Variants in FAM193A observed in about 807,000 individuals in gnomAD.
FAM193A encodes protein FAM193A.
A neutral mutation model predicts 126.5 loss-of-function variants in FAM193A; 22 were observed. The observed-to-expected ratio is 0.17, with a 90% CI of 0.12 to 0.25. The LOEUF is 0.25. Among genes scored for constraint, FAM193A ranks in the 10% least tolerant of loss-of-function variants. The pLI is 1.00. For synonymous variants in FAM193A, 761 were observed against 646.8 expected, an observed-to-expected ratio of 1.18 and a Z score of -2.68; for missense variants, 1,675 against 1,672.8, an observed-to-expected ratio of 1.00 and a Z score of -0.02.
chr4:2,682,074 T>G (rs2109220342), intron 13 of FAM193A, among the ~76,000 whole-genome samples: 1 of 143,154 alleles, frequency 7.0e-6, no homozygotes, highest in African/African-American at 2.6e-5. Flanking sequence ...AAGCTCCACC[T>G]CCTGAGTTCA....
intron 1 of FAM193A, among the ~76,000 whole-genome samples, chr4:2,580,588 C>G (rs1739862618): frequency 6.6e-6 from 1 of 152,252 alleles, no homozygotes; most frequent in Admixed American, 6.5e-5. Flanking sequence ...TGAATGTCCT[C>G]CCCATGGTAA....
At chr4:2,584,674 C>T (rs1233060206) in intron 1 of FAM193A, among the ~76,000 whole-genome samples, 1 of 152,066 alleles carries the variant, frequency 6.6e-6, no homozygotes, top group Non-Finnish European at 1.5e-5. Context: ...AGCCTGTAAT[C>T]CCAGCACTTT....
chr4:2,672,305 T>C lies in FAM193A; in HGVS notation c.2264T>C (p.Val755Ala). The change falls in exon 13 of 21, where the codon GTT (valine) becomes GCT (alanine). Residue 755 changes from valine to alanine, a missense_variant. By Grantham distance (64) the Val-to-Ala change is moderately conservative. Around this residue, in one of 4 missense-constraint regions of FAM193A, gnomAD observed 1,186 missense variants for 1,109.2 expected, o/e 1.07. Coordinates refer to ENST00000637812, the MANE Select transcript of FAM193A (RefSeq NM_001366318.2). Reference protein sequence around the residue: ...HIHGHVPLHTVPHLPRPLIHP... With the variant: ...HIHGHVPLHTAPHLPRPLIHP... The stretch of plus-strand genomic sequence containing the variant: ...CATGGACATGTGCCTTTGCACACTG[T>C]TCCACACCTGCCACGCCCTCTCATC... 1 of 1,614,186 alleles carries C rather than the reference T, an allele frequency of 6.2e-7. No individual in the cohort carries two copies. The highest frequency in any genetic ancestry group is 8.5e-7 in the Non-Finnish European group (1 of 1,180,028).
chr4:2,623,890 CA>C (rs1742710315), intron 2 of FAM193A, among the ~76,000 whole-genome samples: 1 of 152,080 alleles, frequency 6.6e-6, no homozygotes, highest in African/African-American at 2.4e-5. Flanking sequence ...CTGTGGGGGT[CA>C]GGGGGATGCA....
chr4:2,707,710 C>CTT (rs1409431952), intron 19 of FAM193A, among the ~76,000 whole-genome samples: 1 of 139,298 alleles, frequency 7.2e-6, no homozygotes, highest in Non-Finnish European at 1.6e-5. Context: ...GATTATATTT[C>CTT]TTATTTTTTT....
At chr4:2,599,439 G>A (rs1266444754) in intron 2 of FAM193A, among the ~76,000 whole-genome samples, 2 of 152,148 alleles carry the variant, frequency 1.3e-5, no homozygotes, top group Non-Finnish European at 2.9e-5. Context: ...GGCTCAGAGT[G>A]CACGGCTCTC....
chr4:2,730,682 T>G (rs1721273710), intron 20 of FAM193A, among the ~76,000 whole-genome samples: 1 of 147,674 alleles, frequency 6.8e-6, no homozygotes, highest in Non-Finnish European at 1.5e-5. Flanking sequence ...AGAGCAAGAC[T>G]CCGTGTCAAG....
At chr4:2,542,032 TC>T (rs1737266215) in intron 1 of FAM193A, among the ~76,000 whole-genome samples, 1 of 151,366 alleles carries the variant, frequency 6.6e-6, no homozygotes, top group Non-Finnish European at 1.5e-5. Flanking sequence ...TTTTTTTTTT[TC>T]AAGACAGAGT....
chr4:2,708,964 G>C (rs1432105030), intron 19 of FAM193A, among the ~76,000 whole-genome samples: 1 of 151,760 alleles, frequency 6.6e-6, no homozygotes, highest in African/African-American at 2.4e-5. Flanking sequence ...AATGTCTCTG[G>C]TGTTTCCACA....
intron 5 of FAM193A, 84 bp from the exon 6 acceptor site, chr4:2,639,651 G>A: frequency 2.9e-6 from 3 of 1,048,236 alleles, no homozygotes; most frequent in East Asian, 3.0e-5. Context: ...GAAATGGGGA[G>A]GGGGGAGGGA....
intron 16 of FAM193A, 28 bp from the exon 17 acceptor site, chr4:2,694,918 G>C (rs755854193): frequency 2.4e-5 from 37 of 1,559,936 alleles, no homozygotes; most frequent in Non-Finnish European, 2.9e-5. Context: ...CCGGCCACTT[G>C]CTGATGAGCT....
At chr4:2,587,102 G>C (rs750132734) in intron 1 of FAM193A, among the ~76,000 whole-genome samples, 14 of 152,176 alleles carry the variant, frequency 9.2e-5, no homozygotes, top group Non-Finnish European at 1.9e-4. Flanking sequence ...AGGAATACCT[G>C]AGGCTGGATA....
At chr4:2,537,788 T>C (rs1030500860) in intron 1 of FAM193A, among the ~76,000 whole-genome samples, 1 of 152,200 alleles carries the variant, frequency 6.6e-6, no homozygotes, top group Non-Finnish European at 1.5e-5. Flanking sequence ...CTGGCAGCCC[T>C]GGCCCCTCCT....
intron 2 of FAM193A, among the ~76,000 whole-genome samples, chr4:2,620,663 A>G (rs1742483372): frequency 6.6e-6 from 1 of 151,864 alleles, no homozygotes; most frequent in Non-Finnish European, 1.5e-5. Flanking sequence ...AGCCTTGTCA[A>G]CGTGGTGTAA....
chr4:2,618,274 C>T (rs1289320243), intron 2 of FAM193A, among the ~76,000 whole-genome samples: 3 of 152,096 alleles, frequency 2.0e-5, no homozygotes, highest in African/African-American at 7.2e-5. Flanking sequence ...TGTGGGCTTA[C>T]ATAGTGTGAA....
Position 2,731,897 on chromosome 4 carries a change from A to C in FAM193A, c.*29A>C. On this transcript the variant is annotated 3_prime_UTR_variant, in exon 21 of 21. Coordinates refer to ENST00000637812, the MANE Select transcript of FAM193A (RefSeq NM_001366318.2). Reference sequence around the variant, plus strand: ...AGGACTCCCTGGAGAGGGACACGCGAGAGGCAGGCCAGGCTGCACCACCCC... The same window carrying C: ...AGGACTCCCTGGAGAGGGACACGCGCGAGGCAGGCCAGGCTGCACCACCCC... The C allele has an allele frequency of 6.5e-7, 1 of 1,547,286 alleles. No individual in the cohort carries two copies. Among genetic ancestry groups the C allele is most frequent in the South Asian group, 1.1e-5 (1 of 89,684 alleles).
At chr4:2,730,346 T>C (rs73189417) in intron 20 of FAM193A, among the ~76,000 whole-genome samples, 8,750 of 152,278 alleles carry the variant, frequency 0.057, 340 homozygotes, top group Non-Finnish European at 0.089. Context: ...TAGAAGCTGA[T>C]ATTTAGGATA....
At chr4:2,619,507 T>A (rs28882834) in intron 2 of FAM193A, among the ~76,000 whole-genome samples, 17,690 of 151,824 alleles carry the variant, frequency 0.12, 2,251 homozygotes, top group African/African-American at 0.32. Flanking sequence ...AAATACTAAT[T>A]TTTGTATTTT....
intron 1 of FAM193A, among the ~76,000 whole-genome samples, chr4:2,576,073 C>G (rs1465287993): frequency 1.3e-5 from 2 of 152,084 alleles, no homozygotes; most frequent in African/African-American, 4.8e-5. Context: ...TACCGGGTAG[C>G]TGTGCCACAT....
Sources: allele counts gnomAD v4.1 joint callset (sites outside exome capture counted in the v4.1 genomes callset), GRCh38; gene constraint gnomAD v4.1.1; regional missense constraint gnomAD v4.1.1; transcripts MANE v1.5; gene names NCBI Gene and HGNC (gene_info 2026-07-23, HGNC 2026-07-21).